The following TRPM3 variants were observed in gnomAD, a reference collection of about 807,000 sequenced individuals.
The protein encoded by TRPM3 is transient receptor potential cation channel subfamily M member 3.
TRPM3 carries 77 observed loss-of-function variants against 181.2 expected under a neutral mutation model. That is an observed-to-expected ratio of 0.42 (90% CI 0.35 to 0.51). TRPM3 has a LOEUF of 0.51. TRPM3 is among the 20% of genes least tolerant of loss of function. The probability of loss-of-function intolerance (pLI) is 0.01; values close to 1 mark genes in which losing one functional copy is unlikely to be tolerated. For synonymous variants in TRPM3, 745 were observed against 796.4 expected, an observed-to-expected ratio of 0.94 and a Z score of 1.09; for missense variants, 1,759 against 2,196.7, an observed-to-expected ratio of 0.80 and a Z score of 3.98.
chr9:70,619,406 C>CTTTTTTTTT (rs1170887633), intron 16 of TRPM3, among the ~76,000 whole-genome samples: 2 of 81,418 alleles, frequency 2.5e-5, no homozygotes, highest in African/African-American at 4.8e-5. Context: ...TCGTCGTCTT[C>CTTTTTTTTT]TTTTTTTTTT....
chr9:70,812,448 G>T (rs76203011), intron 6 of TRPM3, among the ~76,000 whole-genome samples: 1,786 of 152,252 alleles, frequency 0.012, 31 homozygotes, highest in African/African-American at 0.04. Flanking sequence ...AGCCTCTAAG[G>T]GTTGGTTCCT....
chr9:71,433,007 T>A (rs536099316), intron 1 of TRPM3, among the ~76,000 whole-genome samples: 3 of 152,212 alleles, frequency 2.0e-5, no homozygotes, highest in Admixed American at 6.5e-5. Context: ...GTAAAATCCT[T>A]AGTTAGGAAA....
At chr9:71,402,581 A>G (rs769291674) in intron 1 of TRPM3, among the ~76,000 whole-genome samples, 2 of 152,166 alleles carry the variant, frequency 1.3e-5, no homozygotes, top group Non-Finnish European at 1.5e-5. Context: ...TCTTTCCTAC[A>G]TCACTAAATT....
intron 20 of TRPM3, among the ~76,000 whole-genome samples, chr9:70,602,587 G>T (rs2132754886): frequency 6.6e-6 from 1 of 152,294 alleles, no homozygotes; most frequent in Admixed American, 6.5e-5. Context: ...CTTCCTAATG[G>T]CTTTCCCTGA....
intron 1 of TRPM3, among the ~76,000 whole-genome samples, chr9:70,939,638 A>G (rs2096865844): frequency 6.6e-6 from 1 of 152,208 alleles, no homozygotes; most frequent in Non-Finnish European, 1.5e-5. Context: ...GATAAATCCA[A>G]TTAAAATTTT....
chr9:70,791,007 C>T (rs973285874), intron 6 of TRPM3, among the ~76,000 whole-genome samples: 1 of 152,092 alleles, frequency 6.6e-6, no homozygotes, highest in Non-Finnish European at 1.5e-5. Context: ...ATAAATGCAT[C>T]TCATTTTAAC....
chr9:70,820,309 C>T (rs2093052786), intron 6 of TRPM3, among the ~76,000 whole-genome samples: 1 of 152,188 alleles, frequency 6.6e-6, no homozygotes, highest in Non-Finnish European at 1.5e-5. Flanking sequence ...TTGAACCTTT[C>T]TGTAACTAAA....
intron 1 of TRPM3, among the ~76,000 whole-genome samples, chr9:71,370,757 C>T (rs74814382): frequency 0.028 from 4,239 of 152,266 alleles, 186 homozygotes; most frequent in African/African-American, 0.091. Flanking sequence ...ACAACATATT[C>T]CCAATGAAGA....
intron 1 of TRPM3, among the ~76,000 whole-genome samples, chr9:71,146,258 T>C (rs1257031749): frequency 6.6e-6 from 1 of 152,132 alleles, no homozygotes; most frequent in African/African-American, 2.4e-5. Flanking sequence ...ATGATGGAGC[T>C]TTCGAATCAC....
intron 5 of TRPM3, among the ~76,000 whole-genome samples, chr9:70,828,753 C>T (rs769893767): frequency 6.9e-6 from 1 of 144,712 alleles, no homozygotes; most frequent in Non-Finnish European, 1.5e-5. Context: ...GAGCTAGTTG[C>T]TCTATACATG....
chr9:70,572,301 T>C lies in TRPM3; in HGVS notation c.3223+18730A>G, dbSNP rs1390608968. Reference sequence around the variant, plus strand: ...GCAGAGTTAGTACACAAAATTCCTGTTCTGTATATTCTTTACCCAGTCTCC... The same window carrying C: ...GCAGAGTTAGTACACAAAATTCCTGCTCTGTATATTCTTTACCCAGTCTCC... On this transcript the variant is annotated intron_variant, in intron 22 of 25. Coordinates refer to ENST00000677713, the MANE Select transcript of TRPM3 (RefSeq NM_001366145.2). 2.0e-5 allele frequency among the ~76,000 whole-genome samples: 3 copies of C among 152,244 alleles called. No individual in the cohort carries two copies. The East Asian group carries it at 5.8e-4, about 29-fold the overall frequency.
intron 3 of TRPM3, among the ~76,000 whole-genome samples, chr9:70,861,172 T>G (rs2095510773): frequency 6.6e-6 from 1 of 152,198 alleles, no homozygotes; most frequent in South Asian, 2.1e-4. Context: ...GCTCTAGGTT[T>G]TATGAATTTC....
Position 71,358,754 on chromosome 9 carries a change from A to G in TRPM3, c.183+87899T>C, listed in dbSNP as rs2092014023. ...GTTTTAAAGTTGTGATGTGACATCTATCTTCTACCACCAAGCACTTGATCA... is the reference window on the plus strand; with the variant it reads ...GTTTTAAAGTTGTGATGTGACATCTGTCTTCTACCACCAAGCACTTGATCA... On this transcript the variant is annotated intron_variant, in intron 1 of 24. Transcript: ENST00000357533. Among the ~76,000 whole-genome samples, 5 of 152,312 alleles carry G rather than the reference A, an allele frequency of 3.3e-5. 2 individuals are homozygous for G. The East Asian group carries it at 7.7e-4, about 24-fold the overall frequency.
chr9:71,180,827 A>C (rs1373693931), intron 1 of TRPM3, among the ~76,000 whole-genome samples: 1 of 152,130 alleles, frequency 6.6e-6, no homozygotes, highest in Non-Finnish European at 1.5e-5. Context: ...TAGAGTACAT[A>C]AAAAAGCGAA....
At chr9:70,953,905 C>T (rs1200661361) in intron 1 of TRPM3, among the ~76,000 whole-genome samples, 1 of 152,160 alleles carries the variant, frequency 6.6e-6, no homozygotes, top group South Asian at 2.1e-4. Context: ...CCTCAGAGAA[C>T]TCAAAGAGCA....
rs372095340 is a variant in TRPM3 at position 70,672,819 on chromosome 9, A to G, written c.1345+8687T>C. Among the ~76,000 whole-genome samples, 207 of 152,198 alleles carry G rather than the reference A, an allele frequency of 1.4e-3. 3 individuals are homozygous for G. In the South Asian group the frequency reaches 0.02, roughly 15 times the overall value. On this transcript the variant is annotated intron_variant, in intron 9 of 25. Transcript: ENST00000677713. ...GTGATGCCAGGAGGACTTCTGTTCC[A>G]CCATCTTGCTGATGTTACTCTCCCT...
intron 1 of TRPM3, among the ~76,000 whole-genome samples, chr9:71,199,803 T>C (rs1176421163): frequency 6.6e-6 from 1 of 151,976 alleles, no homozygotes; most frequent in Non-Finnish European, 1.5e-5. Context: ...ATCAATTTTG[T>C]TGATCCTTTC....
chr9:71,367,959 G>GTGTGTGTA (rs1186543028), intron 1 of TRPM3, among the ~76,000 whole-genome samples: 9 of 138,386 alleles, frequency 6.5e-5, no homozygotes, highest in African/African-American at 2.3e-4. Context: ...GTGTGTGTGT[G>GTGTGTGTA]TATATATATA....
intron 6 of TRPM3, among the ~76,000 whole-genome samples, chr9:70,791,485 T>G (rs376559395): frequency 9.8e-5 from 15 of 152,300 alleles, no homozygotes; most frequent in Middle Eastern, 3.4e-3. Flanking sequence ...AACATGAATT[T>G]CTTAAATGTC....
Sources: gnomAD v4.1 joint callset for allele counts (sites outside exome capture counted in the v4.1 genomes callset) on GRCh38, gnomAD v4.1.1 for gene constraint, MANE v1.5 for transcripts, NCBI Gene and HGNC (gene_info 2026-07-23, HGNC 2026-07-21) for gene names.